Variants in BBX observed in about 807,000 individuals in gnomAD.
BBX encodes the protein BBX high mobility group box domain containing.
In BBX, 30 loss-of-function variants were observed where a neutral mutation model predicts 100.2. That is an observed-to-expected ratio of 0.30 (90% CI 0.22 to 0.41). The LOEUF is 0.41. Among genes scored for constraint, BBX ranks in the 10% least tolerant of loss-of-function variants. The pLI, the probability that BBX is intolerant of heterozygous loss-of-function variation, is 1.00. For synonymous variants in BBX, 376 were observed against 388.1 expected, an observed-to-expected ratio of 0.97 and a Z score of 0.37; for missense variants, 1,023 against 1,129.8, an observed-to-expected ratio of 0.91 and a Z score of 1.35.
intron 7 of BBX, among the ~76,000 whole-genome samples, chr3:107,743,203 A>G (rs2064260430): frequency 1.3e-5 from 2 of 152,190 alleles, no homozygotes; most frequent in South Asian, 4.1e-4. Flanking sequence ...AATTTTGATT[A>G]TTTACCAAAT....
chr3:107,547,655 A>G (rs936417535), intron 2 of BBX, among the ~76,000 whole-genome samples: 1 of 152,106 alleles, frequency 6.6e-6, no homozygotes, highest in South Asian at 2.1e-4. Flanking sequence ...TCTTCTGTGT[A>G]CTTTCAGATA....
intron 10 of BBX, 98 bp from the exon 11 acceptor site, chr3:107,772,530 G>A: frequency 7.9e-7 from 1 of 1,260,428 alleles, no homozygotes; most frequent in East Asian, 2.5e-5. Flanking sequence ...AGTGTGTTTT[G>A]ATTATTTTTA....
intron 5 of BBX, among the ~76,000 whole-genome samples, chr3:107,720,339 T>G (rs1389990132): frequency 1.3e-5 from 2 of 151,852 alleles, no homozygotes; most frequent in Admixed American, 1.3e-4. Flanking sequence ...ATGTCATGAG[T>G]CTTACAGGAA....
chr3:107,524,045 G>A (rs2107263503), intron 1 of BBX: 1 of 153,320 alleles, frequency 6.5e-6, no homozygotes, highest in Non-Finnish European at 1.5e-5. Context: ...GAAGAGAGGA[G>A]GGGGAAGAGG....
chr3:107,670,943 C>A (rs79100532), intron 3 of BBX, among the ~76,000 whole-genome samples: 21,592 of 151,832 alleles, frequency 0.14, 2,172 homozygotes, highest in African/African-American at 0.28. Context: ...TTGTTTTTTC[C>A]TAAAAACAAT....
intron 2 of BBX, among the ~76,000 whole-genome samples, chr3:107,536,880 C>A (rs930846767): frequency 6.6e-6 from 1 of 152,104 alleles, no homozygotes; most frequent in African/African-American, 2.4e-5. Context: ...ATAAATTAAT[C>A]TGTGCTAATT....
In BBX at chr3:107,707,185, C is replaced by T. The variant is rs1407066565; in HGVS notation, c.-9-3267C>T. Among the ~76,000 whole-genome samples the T allele has an allele frequency of 5.9e-5, 9 of 152,194 alleles. No homozygotes were observed. The East Asian group carries it at 1.7e-3, about 29-fold the overall frequency. ...TGCTAAAAATGTACCTACTTTGTTC[C>T]AGGCCCTGTACTAGGGGTTGCCAGC... is the stretch of plus-strand genomic sequence containing the variant. On this transcript the variant is annotated intron_variant, in intron 3 of 17. Coordinates refer to ENST00000325805, the MANE Select transcript of BBX (RefSeq NM_001142568.3).
chr3:107,658,314 C>T (rs2058258892), intron 3 of BBX, among the ~76,000 whole-genome samples: 1 of 152,066 alleles, frequency 6.6e-6, no homozygotes, highest in African/African-American at 2.4e-5. Flanking sequence ...CAAAGCTCAT[C>T]CAGGTATTAA....
chr3:107,690,769 C>T (rs913110489), intron 3 of BBX, among the ~76,000 whole-genome samples: 7 of 150,968 alleles, frequency 4.6e-5, no homozygotes, highest in African/African-American at 1.7e-4. Context: ...CTTCAGTAAA[C>T]GTGTATCTTG....
At chr3:107,654,165 A>G (rs1188938232) in intron 3 of BBX, among the ~76,000 whole-genome samples, 1 of 152,236 alleles carries the variant, frequency 6.6e-6, no homozygotes, top group African/African-American at 2.4e-5. Context: ...TCATTTTGTC[A>G]GGCCATTTGG....
chr3:107,674,022 G>GA (rs141465556), intron 3 of BBX, among the ~76,000 whole-genome samples: 6 of 151,544 alleles, frequency 4.0e-5, no homozygotes, highest in Admixed American at 2.0e-4. Flanking sequence ...ACTCTCTTTA[G>GA]AAAAAAAATG....
intron 12 of BBX, 62 bp downstream of exon 12, chr3:107,774,919 A>C: frequency 4.5e-6 from 7 of 1,568,138 alleles, no homozygotes; most frequent in African/African-American, 1.4e-5. Flanking sequence ...TGGGATTTTC[A>C]AGGTAAACAG....
Position 107,778,429 on chromosome 3 carries a change from C to G in BBX, c.2113C>G (p.Pro705Ala). The G allele has an allele frequency of 6.2e-7, 1 of 1,613,346 alleles. No individual in the cohort carries two copies. The highest frequency in any genetic ancestry group is 8.5e-7 in the Non-Finnish European group (1 of 1,179,486). Reference protein sequence around the residue: ...KKFNSLPQYSPVTFDRKCVPV... With the variant: ...KKFNSLPQYSAVTFDRKCVPV... ...ATTCAACAGCCTCCCTCAATATAGTCCTGTTACATTTGACCGGAAATGTGT... is the reference window on the plus strand; with the variant it reads ...ATTCAACAGCCTCCCTCAATATAGTGCTGTTACATTTGACCGGAAATGTGT... The change falls in exon 13 of 18, where the codon CCT becomes GCT. Residue 705 changes from proline (P) to alanine (A), a missense_variant. Physicochemically the swap from Pro to Ala is conservative, Grantham distance 27. Coordinates refer to ENST00000325805, the MANE Select transcript of BBX (RefSeq NM_001142568.3).
At chr3:107,533,611 C>T (rs903853442) in intron 2 of BBX, among the ~76,000 whole-genome samples, 1 of 152,228 alleles carries the variant, frequency 6.6e-6, no homozygotes, top group Non-Finnish European at 1.5e-5. Flanking sequence ...TCACATTTCA[C>T]TGAACCTCTT....
At position 107,736,206 on chromosome 3, in the gene BBX, A is replaced by G. The variant is rs144314032; in HGVS notation, c.669+3183A>G. Among the ~76,000 whole-genome samples the G allele has an allele frequency of 3.5e-3, 530 of 152,168 alleles. 6 individuals are homozygous for G. The highest frequency in any genetic ancestry group is 0.031 in the Middle Eastern group (9 of 294). ...AGACCCTGTAAAATAGAAGTATAGA[A>G]GTCTCATTAGTAAATAACCCCATAA... On this transcript the variant is annotated intron_variant, in intron 7 of 17. Transcript: ENST00000325805.
rs185509399 is a variant in BBX, at chr3:107,647,801, G to A, written c.-10+1892G>A. On this transcript the variant is annotated intron_variant, in intron 3 of 17. Transcript: ENST00000325805. ...TCATTTATGTTCATGTCCCTGATTA[G>A]TCTCCTGCCACTCCGCTCCGTGTCC... Among the ~76,000 whole-genome samples, 6 of 152,256 alleles carry A rather than the reference G, an allele frequency of 3.9e-5. No homozygotes were observed. The East Asian group carries it at 1.2e-3, about 29-fold the overall frequency.
chr3:107,651,262 G>A (rs148770556), intron 3 of BBX, among the ~76,000 whole-genome samples: 49 of 152,258 alleles, frequency 3.2e-4, no homozygotes, highest in African/African-American at 1.0e-3. Flanking sequence ...AATCTGGTTC[G>A]TTAACAGTCT....
At chr3:107,656,798 A>G (rs2058169818) in intron 3 of BBX, among the ~76,000 whole-genome samples, 1 of 152,234 alleles carries the variant, frequency 6.6e-6, no homozygotes, top group African/African-American at 2.4e-5. Context: ...GGATGTGGTA[A>G]TATAAGGCAA....
At position 107,592,788 on chromosome 3, in the gene BBX, C is replaced by T. The variant is rs1245754419; in HGVS notation, c.-83-53048C>T. 3.3e-5 allele frequency among the ~76,000 whole-genome samples: 5 copies of T among 152,150 alleles called. No homozygotes were observed. In the South Asian group the frequency reaches 6.2e-4, roughly 19 times the overall value. On this transcript the variant is annotated intron_variant, in intron 2 of 17. Transcript: ENST00000325805. ...ATATTATAATAGGTGATCCTTGATCCTGAGCCTCCCACCTCCACACATGTC... is the reference window on the plus strand; with the variant it reads ...ATATTATAATAGGTGATCCTTGATCTTGAGCCTCCCACCTCCACACATGTC...
Sources: allele counts gnomAD v4.1 joint callset (sites outside exome capture counted in the v4.1 genomes callset), GRCh38; gene constraint gnomAD v4.1.1; transcripts MANE v1.5; gene names NCBI Gene and HGNC (gene_info 2026-07-23, HGNC 2026-07-21).